Variants in SDHAF3 observed in about 807,000 individuals in gnomAD.
The protein encoded by SDHAF3 is succinate dehydrogenase complex assembly factor 3.
Under a neutral mutation model 11.5 loss-of-function variants are expected in SDHAF3, and 18 were observed. The observed-to-expected ratio is 1.56, with a 90% confidence interval of 1.08 to 2.32. SDHAF3 has a LOEUF of 2.32. Ranked by LOEUF, SDHAF3 falls within the 30% of genes most tolerant of loss-of-function variation. SDHAF3 has a pLI of 0.00. For synonymous variants in SDHAF3, 72 were observed against 59.3 expected, an observed-to-expected ratio of 1.21 and a Z score of -0.99; for missense variants, 200 against 154.4, an observed-to-expected ratio of 1.30 and a Z score of -1.57.
chr7:97,163,404 T>A (rs1422372304), intron 1 of SDHAF3, among the ~76,000 whole-genome samples: 1 of 152,208 alleles, frequency 6.6e-6, no homozygotes, highest in Non-Finnish European at 1.5e-5. Context: ...CCTCCCAAAG[T>A]GCTAGGATAA....
intron 1 of SDHAF3, among the ~76,000 whole-genome samples, chr7:97,168,529 T>C (rs1789551230): frequency 1.3e-5 from 2 of 152,184 alleles, no homozygotes; most frequent in Non-Finnish European, 2.9e-5. Context: ...ATGGAGTTGG[T>C]TAGGTCAGAT....
intron 1 of SDHAF3, among the ~76,000 whole-genome samples, chr7:97,153,836 G>A (rs1789262063): frequency 6.6e-6 from 1 of 152,178 alleles, no homozygotes; most frequent in South Asian, 2.1e-4. Context: ...ATCCTTGCCA[G>A]CATTTTGGTG....
Position 97,117,745 on chromosome 7 carries a change from C to T in SDHAF3, c.22C>T (p.Arg8Ter). 1 of 1,613,572 alleles carries T rather than the reference C, an allele frequency of 6.2e-7. No individual in the cohort carries two copies. The highest frequency in any genetic ancestry group is 1.1e-5 in the South Asian group (1 of 91,066). MPGRHVS[R>*]VRALYKRVLQ... ...CGCTATGCCGGGGCGGCACGTTTCTCGAGTCCGGGCATTGTACAAGCGCGT... is the reference window on the plus strand; with the variant it reads ...CGCTATGCCGGGGCGGCACGTTTCTTGAGTCCGGGCATTGTACAAGCGCGT... The change falls in exon 1 of 2, where the codon CGA (arginine) becomes TGA (stop). Residue 8 changes from arginine to a stop codon, truncating the protein, a stop_gained. Transcript: ENST00000432641. LOFTEE classifies it high-confidence loss of function.
intron 1 of SDHAF3, among the ~76,000 whole-genome samples, chr7:97,175,026 CTTGTTG>C (rs959171095): frequency 6.6e-6 from 1 of 151,840 alleles, no homozygotes; most frequent in Non-Finnish European, 1.5e-5. Context: ...TTTTGGTTTT[CTTGTTG>C]TTGTTGTTTT....
At chr7:97,153,658 T>G (rs1013206874) in intron 1 of SDHAF3, among the ~76,000 whole-genome samples, 7 of 152,242 alleles carry the variant, frequency 4.6e-5, no homozygotes, top group Non-Finnish European at 1.5e-5. Context: ...CATTTTACAT[T>G]TCCACCAGCG....
intron 1 of SDHAF3, among the ~76,000 whole-genome samples, chr7:97,171,020 A>G (rs1789595655): frequency 6.6e-6 from 1 of 152,054 alleles, no homozygotes; most frequent in South Asian, 2.1e-4. Context: ...CTTTTTCTAT[A>G]ATATATTCTG....
intron 1 of SDHAF3, among the ~76,000 whole-genome samples, chr7:97,175,614 T>G (rs938685258): frequency 6.6e-5 from 10 of 152,144 alleles, no homozygotes; most frequent in African/African-American, 1.9e-4. Context: ...ATAGTATCAA[T>G]TTGATTCAGA....
chr7:97,177,396 G>C, intron 1 of SDHAF3, among the ~76,000 whole-genome samples: 1 of 152,076 alleles, frequency 6.6e-6, no homozygotes, highest in South Asian at 2.1e-4. Flanking sequence ...CATCTGCTGG[G>C]GAGGCTGAGG....
chr7:97,149,466 G>A (rs1789184967), intron 1 of SDHAF3, among the ~76,000 whole-genome samples: 1 of 152,110 alleles, frequency 6.6e-6, no homozygotes, highest in African/African-American at 2.4e-5. Flanking sequence ...AACCACTGTA[G>A]TAGGAGCAAA....
chr7:97,170,864 C>CAAAG (rs1290126398), intron 1 of SDHAF3, among the ~76,000 whole-genome samples: 26 of 152,178 alleles, frequency 1.7e-4, no homozygotes, highest in African/African-American at 5.5e-4. Context: ...CTCTGTATAT[C>CAAAG]AAAGAGTTAT....
rs748068046 is a variant in SDHAF3 at position 97,117,794 on chromosome 7, C to T, written c.71C>T (p.Pro24Leu). 2 of 1,614,182 alleles carry T rather than the reference C, an allele frequency of 1.2e-6. No individual in the cohort carries two copies. The highest frequency in any genetic ancestry group is 2.2e-5 in the East Asian group (1 of 44,868). The change falls in exon 1 of 2, where the codon CCC (proline) becomes CTC (leucine). Residue 24 changes from proline (P) to leucine (L), a missense_variant. Pro to Leu is a moderately conservative substitution (Grantham distance 98). Transcript: ENST00000432641. The stretch of plus-strand genomic sequence containing the variant: ...GTCTTGCAGCTGCACCGTGTTCTGC[C>T]CCCGGACCTCAAATCCCTGGGCGAC... ...KRVLQLHRVL[P>L]PDLKSLGDQY...
chr7:97,179,217 A>C (rs575141184), intron 1 of SDHAF3, among the ~76,000 whole-genome samples: 1 of 152,192 alleles, frequency 6.6e-6, no homozygotes, highest in African/African-American at 2.4e-5. Flanking sequence ...TGCCAGTGCC[A>C]CACTTTTGTT....
At chr7:97,137,576 C>T (rs962779907) in intron 1 of SDHAF3, among the ~76,000 whole-genome samples, 2 of 152,182 alleles carry the variant, frequency 1.3e-5, no homozygotes, top group Non-Finnish European at 2.9e-5. Context: ...GTTGTTTACT[C>T]AGTTATTCAA....
At chr7:97,122,102 C>T (rs1481873738) in intron 1 of SDHAF3, among the ~76,000 whole-genome samples, 1 of 152,110 alleles carries the variant, frequency 6.6e-6, no homozygotes, top group Admixed American at 6.5e-5. Context: ...TATGATCCGC[C>T]CACCTGGGCC....
In SDHAF3 at chr7:97,140,664, T is replaced by C. The variant is rs1395264294; in HGVS notation, c.174+22767T>C. On this transcript the variant is annotated intron_variant, in intron 1 of 1. Coordinates refer to ENST00000432641, the MANE Select transcript of SDHAF3 (RefSeq NM_020186.3). ...TAAATTGTGAAGATTTCATGGACAC[T>C]TATCACTTCCCCAATCGATACCCTG... 2.0e-5 allele frequency among the ~76,000 whole-genome samples: 3 copies of C among 152,324 alleles called. 1 individual carries two copies. The highest frequency in any genetic ancestry group is 6.5e-5 in the Admixed American group (1 of 15,296).
chr7:97,153,358 T>A (rs1022674597), intron 1 of SDHAF3, among the ~76,000 whole-genome samples: 2 of 152,212 alleles, frequency 1.3e-5, no homozygotes, highest in African/African-American at 4.8e-5. Flanking sequence ...GCGTTTAAGT[T>A]TCCTATGTGT....
At chr7:97,159,866 C>T (rs1422781073) in intron 1 of SDHAF3, among the ~76,000 whole-genome samples, 1 of 152,152 alleles carries the variant, frequency 6.6e-6, no homozygotes, top group Non-Finnish European at 1.5e-5. Flanking sequence ...CAGTATTTGC[C>T]AGTGTATTTG....
In SDHAF3 at chr7:97,140,486, C is replaced by T. The variant is rs566429470; in HGVS notation, c.174+22589C>T. 8.1e-4 allele frequency among the ~76,000 whole-genome samples: 123 copies of T among 151,936 alleles called. 2 individuals carry two copies. The South Asian group carries it at 0.023, about 29-fold the overall frequency. ...TCAGCCTCCTGAGTAGCTGGGACTA[C>T]ATGTTGCAGGAAGTCAGGGACCCCG... is the stretch of plus-strand genomic sequence containing the variant. On this transcript the variant is annotated intron_variant, in intron 1 of 1. Transcript: ENST00000432641.
At chr7:97,153,782 C>G (rs1009850576) in intron 1 of SDHAF3, among the ~76,000 whole-genome samples, 1 of 152,076 alleles carries the variant, frequency 6.6e-6, no homozygotes, top group African/African-American at 2.4e-5. Flanking sequence ...TTTTAGTGAC[C>G]GTTTTACATT....
Sources: allele counts gnomAD v4.1 joint callset (sites outside exome capture counted in the v4.1 genomes callset), GRCh38; gene constraint gnomAD v4.1.1; transcripts MANE v1.5; gene names NCBI Gene and HGNC (gene_info 2026-07-23, HGNC 2026-07-21).